RP1: variants seen among roughly 807,000 people sequenced by gnomAD.
RP1 encodes oxygen-regulated protein 1.
RP1 carries 16 observed loss-of-function variants against 14.8 expected under a neutral mutation model. That is an observed-to-expected ratio of 1.08 (90% CI 0.73 to 1.65). RP1 has a LOEUF of 1.65. Among genes scored for constraint, RP1 ranks in the 40% most tolerant of loss-of-function variants. RP1 has a pLI of 0.00. For missense variants in RP1, 2,631 were observed against 2,535.0 expected (o/e 1.04, Z -0.81); for synonymous variants, 876 against 883.6 (o/e 0.99, Z 0.15).
intron 1 of RP1, among the ~76,000 whole-genome samples, chr8:54,585,909 T>G (rs1340516235): frequency 6.6e-6 from 1 of 152,206 alleles, no homozygotes; most frequent in African/African-American, 2.4e-5. Flanking sequence ...TAATTTATTT[T>G]TAAGGTTTTT....
At chr8:54,728,768 G>T (rs1022375260) in intron 17 of RP1, among the ~76,000 whole-genome samples, 1 of 152,052 alleles carries the variant, frequency 6.6e-6, no homozygotes, top group Non-Finnish European at 1.5e-5. Context: ...TTAGGGTGGT[G>T]GGGTTGAGGA....
chr8:54,625,742 T>A lies in RP1; in HGVS notation c.1860T>A (p.Ser620=). The A allele has an allele frequency of 1.2e-6, 2 of 1,613,934 alleles. No individual in the cohort carries two copies. Among genetic ancestry groups the A allele is most frequent in the Non-Finnish European group, 1.7e-6 (2 of 1,179,992 alleles). ...ADATHFSSNN[S]GTDKNISEAP... The stretch of plus-strand genomic sequence containing the variant: ...CAACCCATTTTTCAAGTAATAACTC[T>A]GGAACTGACAAAAATATTTCTGAGG... Residue 620 remains serine (S), a synonymous_variant, in exon 4 of 4, where the codon TCT becomes TCA. Coordinates refer to ENST00000220676, the MANE Select transcript of RP1 (RefSeq NM_006269.2).
At chr8:54,720,709 T>C (rs909783638) in intron 16 of RP1, among the ~76,000 whole-genome samples, 1 of 152,176 alleles carries the variant, frequency 6.6e-6, no homozygotes, top group Admixed American at 6.5e-5. Context: ...GGAATAAAGA[T>C]CAACACAATT....
chr8:54,807,616 A>G (rs966944475), intron 24 of RP1, among the ~76,000 whole-genome samples: 5 of 151,962 alleles, frequency 3.3e-5, no homozygotes, highest in Non-Finnish European at 5.9e-5. Flanking sequence ...GTGCATCTCT[A>G]TCTACCTGTC....
chr8:54,623,987 C>G (rs1805952122), intron 3 of RP1, among the ~76,000 whole-genome samples: 1 of 152,132 alleles, frequency 6.6e-6, no homozygotes, highest in African/African-American at 2.4e-5. Context: ...ATTCTTAGCA[C>G]TTTTTACTTT....
chr8:54,727,370 A>C (rs1808681842), intron 17 of RP1, among the ~76,000 whole-genome samples: 1 of 152,146 alleles, frequency 6.6e-6, no homozygotes, highest in African/African-American at 2.4e-5. Flanking sequence ...AGCAGAATTC[A>C]GTCTTGTGTC....
At chr8:54,587,562 A>G (rs1196210408) in intron 1 of RP1, among the ~76,000 whole-genome samples, 1 of 152,210 alleles carries the variant, frequency 6.6e-6, no homozygotes, top group Admixed American at 6.5e-5. Context: ...AGTTACAGCT[A>G]AGAAAGGCCA....
upstream of RP1, among the ~76,000 whole-genome samples, chr8:54,611,926 C>T (rs907325573): frequency 1.3e-5 from 2 of 149,054 alleles, no homozygotes; most frequent in African/African-American, 2.5e-5. Context: ...TTCCCCCCTG[C>T]CCCCCAACCT....
At chr8:54,834,716 C>T (rs1399535755) in intron 24 of RP1, among the ~76,000 whole-genome samples, 1 of 150,614 alleles carries the variant, frequency 6.6e-6, no homozygotes, top group Admixed American at 6.6e-5. Flanking sequence ...TTAAAATTTA[C>T]CCTAATAATT....
exon 29 of RP1, chr8:54,870,349 A>T (rs1812560779): frequency 6.4e-6 from 1 of 157,202 alleles, no homozygotes; most frequent in Non-Finnish European, 1.4e-5. Context: ...AGAGGTACCT[A>T]ATAACATTTG....
chr8:54,570,937 G>A (rs189967995), intron 1 of RP1, among the ~76,000 whole-genome samples: 128 of 152,280 alleles, frequency 8.4e-4, no homozygotes, highest in Non-Finnish European at 1.5e-3. Flanking sequence ...CACTGCTGCC[G>A]CAGCTGTAAT....
At chr8:54,852,906 G>C (rs965352490) in intron 26 of RP1, among the ~76,000 whole-genome samples, 1 of 152,168 alleles carries the variant, frequency 6.6e-6, no homozygotes, top group South Asian at 2.1e-4. Context: ...TAGAGGATGG[G>C]ACTTAACTCA....
At chr8:54,690,188 C>G (rs1179311443) in intron 12 of RP1, among the ~76,000 whole-genome samples, 2 of 151,990 alleles carry the variant, frequency 1.3e-5, no homozygotes, top group Non-Finnish European at 2.9e-5. Context: ...ACCCTTGGTA[C>G]TAATGGAATT....
intron 1 of RP1, among the ~76,000 whole-genome samples, chr8:54,595,188 C>G (rs1434035416): frequency 1.3e-5 from 2 of 148,378 alleles, no homozygotes; most frequent in African/African-American, 2.5e-5. Flanking sequence ...GGAGTGCAGT[C>G]GCGCGATCTC....
At chr8:54,783,772 T>C in intron 24 of RP1, 1 of 1,066,246 alleles carries the variant, frequency 9.4e-7, no homozygotes, top group East Asian at 3.2e-5. Flanking sequence ...TCCCCGAAGA[T>C]GAAATGGAGT....
downstream of RP1, among the ~76,000 whole-genome samples, chr8:54,631,844 GA>G (rs1488573581): frequency 1.4e-5 from 2 of 138,334 alleles, no homozygotes; most frequent in South Asian, 2.3e-4. Flanking sequence ...GAAGGGATAA[GA>G]TTTTTTTTTT....
Position 54,627,470 on chromosome 8 carries a change from CAGTG to C in RP1, c.3591_3594del (p.Ser1197ArgfsTer9). 6.2e-7 allele frequency: 1 copy of C among 1,614,134 alleles called. No homozygotes were observed. The highest frequency in any genetic ancestry group is 8.5e-7 in the Non-Finnish European group (1 of 1,179,980). ...AGTCAACTACAAGCCACTTTGGACTCAGTGAGAAAGAACAAGACATGGTTCCAAT... is the reference window on the plus strand; with the variant it reads ...AGTCAACTACAAGCCACTTTGGACTCAGAAAGAACAAGACATGGTTCCAAT... On this transcript the variant is annotated frameshift_variant, in exon 4 of 4. Transcript: ENST00000220676. LOFTEE classifies it low-confidence loss of function (END_TRUNC).
chr8:54,695,847 G>A (rs1807847230), intron 12 of RP1, among the ~76,000 whole-genome samples: 1 of 152,078 alleles, frequency 6.6e-6, no homozygotes, highest in Non-Finnish European at 1.5e-5. Context: ...GTAAGTGCTT[G>A]TCAACATGGT....
At chr8:54,720,455 CAT>C in intron 16 of RP1, 1 of 713,010 alleles carries the variant, frequency 1.4e-6, no homozygotes, top group Middle Eastern at 3.9e-4. Flanking sequence ...GGAAGGAAAA[CAT>C]AATGAAGACC....
Sources: allele counts gnomAD v4.1 joint callset (sites outside exome capture counted in the v4.1 genomes callset), GRCh38; gene constraint gnomAD v4.1.1; transcripts MANE v1.5; gene names NCBI Gene and HGNC (gene_info 2026-07-23, HGNC 2026-07-21).